NINL: variants seen among roughly 807,000 people sequenced by gnomAD.
The protein encoded by NINL is ninein-like protein.
In NINL, 153 loss-of-function variants were observed where a neutral mutation model predicts 160.3. That is an observed-to-expected ratio of 0.95 (90% CI 0.84 to 1.09). The LOEUF is 1.09. Ranked by LOEUF, NINL falls within the 50% of genes least tolerant of loss-of-function variation. The probability of loss-of-function intolerance (pLI) is 0.00; values close to 1 mark genes in which losing one functional copy is unlikely to be tolerated. For missense variants in NINL, 1,829 were observed against 1,764.0 expected (o/e 1.04, Z -0.66); for synonymous variants, 800 against 734.8 (o/e 1.09, Z -1.43).
chr20:25,469,631 C>T (rs1420346188), intron 18 of NINL, among the ~76,000 whole-genome samples: 1 of 152,120 alleles, frequency 6.6e-6, no homozygotes, highest in Non-Finnish European at 1.5e-5. Context: ...CACCTCTGAC[C>T]CCTACAGACA....
intron 1 of NINL, among the ~76,000 whole-genome samples, chr20:25,556,751 G>T (rs1229277477): frequency 6.6e-6 from 1 of 152,152 alleles, no homozygotes; most frequent in Non-Finnish European, 1.5e-5. Context: ...AGGCTGCAGG[G>T]AGCTGAGATC....
At chr20:25,496,893 A>G (rs372870504) in intron 9 of NINL, 90 bp from the exon 10 acceptor site, 13 of 1,532,808 alleles carry the variant, frequency 8.5e-6, no homozygotes, top group East Asian at 4.5e-5. Flanking sequence ...ATCTGCATCA[A>G]TGATAGAAAC....
chr20:25,513,105 G>C, intron 3 of NINL, 99 bp from the exon 4 acceptor site: 1 of 1,246,198 alleles, frequency 8.0e-7, no homozygotes, highest in Non-Finnish European at 1.1e-6. Flanking sequence ...ACTCAGCACC[G>C]AGTGTGCCCC....
At chr20:25,523,026 A>G (rs933757110) in intron 2 of NINL, among the ~76,000 whole-genome samples, 2 of 152,216 alleles carry the variant, frequency 1.3e-5, no homozygotes, top group African/African-American at 4.8e-5. Context: ...AGTCCTTTGT[A>G]TAAAATGTAG....
chr20:25,504,033 A>C lies in NINL; in HGVS notation c.780T>G (p.Leu260=). The change falls in exon 7 of 24, where the codon CTT becomes CTG. Residue 260 remains leucine, a synonymous_variant. Transcript: ENST00000278886. The part of the protein sequence containing the change: ...DGKVSLEEFQ[L]GLFSHEPALL... ...GCGCGGGCTCATGACTGAAGAGGCC[A>C]AGCTGGAATTCCTCAAGACTCACTT... The C allele has an allele frequency of 6.2e-7, 1 of 1,612,350 alleles. No individual in the cohort carries two copies. Among genetic ancestry groups the C allele is most frequent in the Non-Finnish European group, 8.5e-7 (1 of 1,179,410 alleles).
intron 10 of NINL, among the ~76,000 whole-genome samples, chr20:25,493,443 C>G (rs1157477135): frequency 1.3e-5 from 2 of 152,142 alleles, no homozygotes; most frequent in African/African-American, 2.4e-5. Context: ...ACAGAGCCGT[C>G]AGGAGAAAGG....
chr20:25,583,267 C>A (rs2065193804), intron 1 of NINL, among the ~76,000 whole-genome samples: 1 of 151,876 alleles, frequency 6.6e-6, no homozygotes, highest in Non-Finnish European at 1.5e-5. Flanking sequence ...GGAACTTAAA[C>A]AAATTTACAA....
intron 1 of NINL, among the ~76,000 whole-genome samples, chr20:25,582,688 T>C (rs969728945): frequency 6.6e-6 from 1 of 152,162 alleles, no homozygotes; most frequent in Non-Finnish European, 1.5e-5. Context: ...AGCATGAAAG[T>C]AGACTGCTTC....
At chr20:25,471,636 C>T (rs8121601) in intron 17 of NINL, among the ~76,000 whole-genome samples, 278 of 152,340 alleles carry the variant, frequency 1.8e-3, no homozygotes, top group Middle Eastern at 6.8e-3. Context: ...CTGAAACCAA[C>T]GCGTGAGCAC....
intron 1 of NINL, among the ~76,000 whole-genome samples, chr20:25,531,839 C>T (rs1012447567): frequency 3.9e-5 from 6 of 152,192 alleles, no homozygotes; most frequent in South Asian, 2.1e-4. Context: ...CTTCATCTCC[C>T]GGCTGTGGGC....
intron 4 of NINL, 54 bp from the exon 5 acceptor site, chr20:25,510,794 C>T (rs1029630806): frequency 2.2e-5 from 29 of 1,326,170 alleles, no homozygotes; most frequent in Middle Eastern, 2.1e-4. Context: ...CTGCTGGGGA[C>T]GGAGCACCGG....
chr20:25,521,111 A>ATGC (rs1213888828), intron 2 of NINL, among the ~76,000 whole-genome samples: 1 of 152,228 alleles, frequency 6.6e-6, no homozygotes, highest in East Asian at 1.9e-4. Context: ...AGTTAAAGGG[A>ATGC]TGCTGGACTT....
In NINL at chr20:25,530,445, C is replaced by A. The variant is rs185881671; in HGVS notation, c.-11-3847G>T. Among the ~76,000 whole-genome samples, 173 of 152,128 alleles carry A rather than the reference C, an allele frequency of 1.1e-3. 1 individual carries two copies. Among genetic ancestry groups the A allele is most frequent in the African/African-American group, 4.0e-3 (167 of 41,500 alleles). Reference sequence around the variant, plus strand: ...TCTCAGAGAGAGACGTTGGGCAAATCCAGGGTTTTCTCTTACATCACCTCC... The same window carrying A: ...TCTCAGAGAGAGACGTTGGGCAAATACAGGGTTTTCTCTTACATCACCTCC... On this transcript the variant is annotated intron_variant, in intron 1 of 23. Coordinates refer to ENST00000278886, the MANE Select transcript of NINL (RefSeq NM_025176.6).
chr20:25,490,067 C>T (rs992754502), intron 11 of NINL, 82 bp from the exon 12 acceptor site: 1 of 1,229,986 alleles, frequency 8.1e-7, no homozygotes, highest in Admixed American at 1.7e-5. Flanking sequence ...AGGCTTGCTT[C>T]TCATAGGACT....
chr20:25,458,558 T>A (rs758027739), intron 21 of NINL, 29 bp from the exon 22 acceptor site: 1 of 1,539,802 alleles, frequency 6.5e-7, no homozygotes, highest in South Asian at 1.2e-5. Context: ...ACAGCTCTGG[T>A]GGGGCTGCTG....
chr20:25,548,015 A>C (rs1479539633), intron 1 of NINL, among the ~76,000 whole-genome samples: 1 of 152,246 alleles, frequency 6.6e-6, no homozygotes, highest in Non-Finnish European at 1.5e-5. Flanking sequence ...ATGAGGTAAC[A>C]CTGCACACTG....
At chr20:25,461,672 A>G in intron 20 of NINL, 37 bp from the exon 21 acceptor site, 4 of 1,331,728 alleles carry the variant, frequency 3.0e-6, no homozygotes, top group Non-Finnish European at 4.3e-6. Context: ...GTCAAGAAGT[A>G]TCTGAAGAGT....
intron 21 of NINL, 104 bp from the exon 22 acceptor site, chr20:25,458,633 C>A (rs773077672): frequency 1.4e-5 from 17 of 1,207,464 alleles, no homozygotes; most frequent in Admixed American, 2.8e-5. Context: ...GCAAGGAAAG[C>A]GTGTGCTCCC....
At chr20:25,577,111 G>C (rs2065124018) in intron 1 of NINL, among the ~76,000 whole-genome samples, 3 of 152,200 alleles carry the variant, frequency 2.0e-5, no homozygotes, top group Non-Finnish European at 4.4e-5. Context: ...ACCCAGAGTT[G>C]GGGAAAATCT....
Sources: gnomAD v4.1 joint callset for allele counts (sites outside exome capture counted in the v4.1 genomes callset) on GRCh38, gnomAD v4.1.1 for gene constraint, MANE v1.5 for transcripts, NCBI Gene and HGNC (gene_info 2026-07-23, HGNC 2026-07-21) for gene names.